The following UTP25 variants were observed in gnomAD, a reference collection of about 807,000 sequenced individuals.
UTP25 encodes UTP25 small subunit processome component.
Under a neutral mutation model 78.9 loss-of-function variants are expected in UTP25, and 50 were observed. The observed-to-expected ratio is 0.63, with a 90% CI of 0.50 to 0.80. UTP25 has a LOEUF of 0.80. Among genes scored for constraint, UTP25 ranks in the 30% least tolerant of loss-of-function variants. UTP25 has a pLI of 0.00. For missense variants in UTP25, 846 were observed against 911.3 expected (o/e 0.93, Z 0.92); for synonymous variants, 329 against 336.5 (o/e 0.98, Z 0.24).
rs1460453038 is a variant in UTP25 at position 209,851,204 on chromosome 1, G to A, written c.2028G>A (p.Arg676=). The stretch of plus-strand genomic sequence containing the variant: ...AGCTCTTTCTTTCCAATTCTGACAG[G>A]TATACAATAAAAGGCATCAGGAACC... The part of the protein sequence containing the change: ...LFTERFHFYK[R]YTIKGIRNLI... Residue 676 remains arginine, a splice_region_variant and synonymous_variant, in exon 12 of 12, where the codon AGG becomes AGA. Transcript: ENST00000491415. 1.2e-6 allele frequency: 2 copies of A among 1,611,326 alleles called. No individual in the cohort carries two copies. Among genetic ancestry groups the A allele is most frequent in the South Asian group, 1.1e-5 (1 of 90,442 alleles).
rs1013019996 is a variant in UTP25, at chr1:209,855,111, A to G, written c.*3664A>G. 5.3e-5 allele frequency: 8 copies of G among 152,218 alleles called. No individual in the cohort carries two copies. Among genetic ancestry groups the G allele is most frequent in the African/African-American group, 1.9e-4 (8 of 41,448 alleles). 9.4% of individuals were successfully genotyped at this position (152,218 alleles called of 1,614,324 possible). A position where few individuals can be genotyped will look rare whatever the true frequency, so the allele number is the denominator to read the frequency against. ...AAATTGATGTAAGCATTGGAAGGGG[A>G]AAGAGGGAACGCTTCTTTCCCTCTG... On this transcript the variant is annotated 3_prime_UTR_variant, in exon 12 of 12. Transcript: ENST00000491415.
intron 11 of UTP25, among the ~76,000 whole-genome samples, chr1:209,848,126 A>T (rs2078208905): frequency 6.6e-6 from 1 of 152,186 alleles, no homozygotes; most frequent in Non-Finnish European, 1.5e-5. Context: ...ATTAAATCGC[A>T]GTGTCTGGGA....
At chr1:209,842,947 G>T in intron 10 of UTP25, 1 of 465,446 alleles carries the variant, frequency 2.1e-6, no homozygotes, top group Non-Finnish European at 3.8e-6. Flanking sequence ...ACTCTTGACT[G>T]TGGCATTTTA....
chr1:209,849,150 G>A (rs1419404051), intron 11 of UTP25, among the ~76,000 whole-genome samples: 1 of 152,020 alleles, frequency 6.6e-6, no homozygotes, highest in African/African-American at 2.4e-5. Context: ...GGTTCTCCTG[G>A]TCCAGCTCAA....
chr1:209,835,024 A>G lies in UTP25; in HGVS notation c.563-51A>G, dbSNP rs534071139. On this transcript the variant is annotated intron_variant, in intron 4 of 11. Transcript: ENST00000491415. ...ATGTCTTTCACAGGGGAAGACCACAAAACCCCTCTGTAGTTGCATAGTGTG... is the reference window on the plus strand; with the variant it reads ...ATGTCTTTCACAGGGGAAGACCACAGAACCCCTCTGTAGTTGCATAGTGTG... 2.7e-6 allele frequency: 4 copies of G among 1,459,554 alleles called. No individual in the cohort carries two copies. In the South Asian group the frequency reaches 4.7e-5, roughly 17 times the overall value. The allele number at this position is 1,459,554 out of a possible 1,614,324, so 90.4% of individuals were successfully genotyped here. A position where few individuals can be genotyped will look rare whatever the true frequency, so the allele number is the denominator to read the frequency against.
intron 11 of UTP25, 107 bp downstream of exon 11, chr1:209,843,803 C>T (rs1189576169): frequency 5.7e-6 from 8 of 1,391,712 alleles, no homozygotes; most frequent in Non-Finnish European, 7.8e-6. Flanking sequence ...GATCATCCCT[C>T]ACTCTCGCAC....
intron 4 of UTP25, among the ~76,000 whole-genome samples, chr1:209,834,208 A>G (rs1412550423): frequency 6.6e-6 from 1 of 152,238 alleles, no homozygotes; most frequent in African/African-American, 2.4e-5. Flanking sequence ...TGTTTTGCTC[A>G]TACAGATATA....
At chr1:209,841,977 C>A (rs2078169476) in intron 8 of UTP25, among the ~76,000 whole-genome samples, 1 of 152,112 alleles carries the variant, frequency 6.6e-6, no homozygotes, top group Admixed American at 6.5e-5. Context: ...CTTAGGGACC[C>A]ATAGAGAGAC....
At chr1:209,832,333 T>TTCCG (rs988606636) in intron 3 of UTP25, among the ~76,000 whole-genome samples, 5 of 152,170 alleles carry the variant, frequency 3.3e-5, no homozygotes, top group African/African-American at 1.2e-4. Context: ...CCTTATACAT[T>TTCCG]TCCGTAACTT....
At chr1:209,830,655 G>GA (rs1381472330) in intron 2 of UTP25, 148 bp from the exon 3 acceptor site, 11 of 1,331,520 alleles carry the variant, frequency 8.3e-6, no homozygotes, top group East Asian at 7.6e-5. Flanking sequence ...TGGAGCATAT[G>GA]AAGAGCTTCT....
chr1:209,851,507 T>G lies in UTP25; in HGVS notation c.*60T>G. On this transcript the variant is annotated 3_prime_UTR_variant, in exon 12 of 12. Transcript: ENST00000491415. ...TACATAATGTTTGATTCTATGCCAT[T>G]TGGACCCAATTCTGATTACTTACAG... 1 of 1,527,056 alleles carries G rather than the reference T, an allele frequency of 6.5e-7. No homozygotes were observed. The highest frequency in any genetic ancestry group is 1.3e-5 in the South Asian group (1 of 75,926). The allele number at this position is 1,527,056 out of a possible 1,614,324, so 94.6% of individuals were successfully genotyped here.
chr1:209,842,593 G>C lies in UTP25; in HGVS notation c.1679G>C (p.Arg560Thr), dbSNP rs199981485. ...GTTGACTACTGGCAGGTGGCCGTGAGGAATGTCCCAATGACAGGCTCTATC... is the reference window on the plus strand; with the variant it reads ...GTTGACTACTGGCAGGTGGCCGTGACGAATGTCCCAATGACAGGCTCTATC... Reference protein sequence around the residue: ...CVNMQGQVAVRNVPMTGSISH... With the variant: ...CVNMQGQVAVTNVPMTGSISH... Residue 560 changes from arginine to threonine, a missense_variant, in exon 10 of 12, where the codon AGG becomes ACG. By Grantham distance (71) the Arg-to-Thr change is moderately conservative (BLOSUM62 -1). Coordinates refer to ENST00000491415, the MANE Select transcript of UTP25 (RefSeq NM_014388.7). 3.2e-4 allele frequency: 511 copies of C among 1,613,714 alleles called. No homozygotes were observed. Among genetic ancestry groups the C allele is most frequent in the Non-Finnish European group, 4.1e-4 (489 of 1,179,914 alleles).
chr1:209,854,552 T>G lies in UTP25; in HGVS notation c.*3105T>G, dbSNP rs2078261384. 6.6e-6 allele frequency: 1 copy of G among 152,206 alleles called. No individual in the cohort carries two copies. The highest frequency in any genetic ancestry group is 2.4e-5 in the African/African-American group (1 of 41,416). 9.4% of individuals were successfully genotyped at this position (152,206 alleles called of 1,614,324 possible). On this transcript the variant is annotated 3_prime_UTR_variant, in exon 12 of 12. Transcript: ENST00000491415. Reference sequence around the variant, plus strand: ...AGGACCAAGGGGGGCTCATGAAGGCTCTCAGCCCTGATTGTGCCCTCGTGA... The same window carrying G: ...AGGACCAAGGGGGGCTCATGAAGGCGCTCAGCCCTGATTGTGCCCTCGTGA...
Position 209,836,794 on chromosome 1 carries a change from C to T in UTP25, c.652-7C>T, listed in dbSNP as rs771891452. On this transcript the variant is annotated splice_polypyrimidine_tract_variant and splice_region_variant and intron_variant, in intron 5 of 11. Transcript: ENST00000491415. ...CTAATTTGGCTCTTGATCTGTTTCT[C>T]CCCTAGTGGCCTATTCTGGGCCAGC... 6.3e-7 allele frequency: 1 copy of T among 1,583,732 alleles called. No homozygotes were observed. Among genetic ancestry groups the T allele is most frequent in the Non-Finnish European group, 8.6e-7 (1 of 1,167,642 alleles).
At position 209,852,576 on chromosome 1, in the gene UTP25, C is replaced by T. The variant is rs1014587595; in HGVS notation, c.*1129C>T. On this transcript the variant is annotated 3_prime_UTR_variant, in exon 12 of 12. Transcript: ENST00000491415. ...TCTCAAATATGGCCGCTGGGAGCACCTTCAGGTTAGCCCCTGTGTACTTTT... is the reference window on the plus strand; with the variant it reads ...TCTCAAATATGGCCGCTGGGAGCACTTTCAGGTTAGCCCCTGTGTACTTTT... 3 of 152,210 alleles carry T rather than the reference C, an allele frequency of 2.0e-5. No individual in the cohort carries two copies. The highest frequency in any genetic ancestry group is 4.8e-5 in the African/African-American group (2 of 41,428). 9.4% of individuals were successfully genotyped at this position (152,210 alleles called of 1,614,324 possible). A position where few individuals can be genotyped will look rare whatever the true frequency, so the allele number is the denominator to read the frequency against.
intron 6 of UTP25, among the ~76,000 whole-genome samples, chr1:209,837,680 A>G (rs2078141341): frequency 6.6e-6 from 1 of 152,230 alleles, no homozygotes. Flanking sequence ...ACTAAGCCAC[A>G]TACATACGTC....
rs1404850847 is a variant in UTP25, at chr1:209,855,308, T to TC, written c.*3865dup. 2.0e-5 allele frequency: 3 copies of TC among 152,250 alleles called. No individual in the cohort carries two copies. Among genetic ancestry groups the TC allele is most frequent in the African/African-American group, 7.2e-5 (3 of 41,436 alleles). The allele number at this position is 152,250 out of a possible 1,614,324, so 9.4% of individuals were successfully genotyped here. A position where few individuals can be genotyped will look rare whatever the true frequency, so the allele number is the denominator to read the frequency against. On this transcript the variant is annotated 3_prime_UTR_variant, in exon 12 of 12. Coordinates refer to ENST00000491415, the MANE Select transcript of UTP25 (RefSeq NM_014388.7). ...TCCTGTTTCCCTTCTGTGAGGACCT[T>TC]CCCCTCCTCAGATGTGGGGAGTTGC... is the stretch of plus-strand genomic sequence containing the variant.
intron 3 of UTP25, among the ~76,000 whole-genome samples, 195 bp from the exon 4 acceptor site, chr1:209,832,990 C>A (rs959913169): frequency 5.3e-5 from 8 of 152,184 alleles, no homozygotes; most frequent in Non-Finnish European, 1.2e-4. Flanking sequence ...CAAATTGAGA[C>A]ATAAAACCCA....
At chr1:209,832,100 G>T (rs2102568504) in intron 3 of UTP25, among the ~76,000 whole-genome samples, 1 of 150,318 alleles carries the variant, frequency 6.7e-6, no homozygotes, top group African/African-American at 2.4e-5. Flanking sequence ...TGTTTTGTTT[G>T]TTTCTATTTT....
Sources: allele counts gnomAD v4.1 joint callset (sites outside exome capture counted in the v4.1 genomes callset), GRCh38; gene constraint gnomAD v4.1.1; transcripts MANE v1.5; gene names NCBI Gene and HGNC (gene_info 2026-07-23, HGNC 2026-07-21).